The following EYA2 variants were observed in gnomAD, a reference collection of about 807,000 sequenced individuals.
The protein encoded by EYA2 is protein phosphatase EYA2.
A neutral mutation model predicts 69.2 loss-of-function variants in EYA2; 31 were observed. That is an observed-to-expected ratio of 0.45 (90% CI 0.34 to 0.60). The LOEUF is 0.60. EYA2 is among the 20% of genes least tolerant of loss of function. The pLI, the probability that EYA2 is intolerant of heterozygous loss-of-function variation, is 0.02. For synonymous variants in EYA2, 257 were observed against 279.4 expected (o/e 0.92, Z 0.80); for missense variants, 622 against 701.2 (o/e 0.89, Z 1.28).
intron 9 of EYA2, among the ~76,000 whole-genome samples, chr20:47,127,332 G>A (rs1375675562): frequency 2.6e-5 from 4 of 152,138 alleles, no homozygotes; most frequent in East Asian, 1.9e-4. Flanking sequence ...GGCCAAGCTC[G>A]GTGGCTCATG....
In EYA2 at chr20:47,103,070, CTGT is replaced by C. The variant is rs966637700; in HGVS notation, c.888+5919_888+5921del. On this transcript the variant is annotated intron_variant, in intron 9 of 15. Coordinates refer to ENST00000327619, the MANE Select transcript of EYA2 (RefSeq NM_005244.5). ...CCAATATGAAGCTCAACTCCAGGACCTGTTGTTGTTGTTGTTGTTAATAACAAT... is the reference window on the plus strand; with the variant it reads ...CCAATATGAAGCTCAACTCCAGGACCTGTTGTTGTTGTTGTTAATAACAAT... Among the ~76,000 whole-genome samples the C allele has an allele frequency of 3.3e-5, 5 of 152,104 alleles. No homozygotes were observed. In the East Asian group the frequency reaches 7.7e-4, roughly 23 times the overall value.
chr20:46,938,397 A>G (rs185964602), intron 1 of EYA2, among the ~76,000 whole-genome samples: 4 of 152,326 alleles, frequency 2.6e-5, no homozygotes, highest in Admixed American at 2.6e-4. Flanking sequence ...TTTAATAGAT[A>G]AAAAAACAAG....
chr20:46,920,753 C>T (rs918411498), intron 1 of EYA2, among the ~76,000 whole-genome samples: 2 of 152,174 alleles, frequency 1.3e-5, no homozygotes, highest in Non-Finnish European at 2.9e-5. Flanking sequence ...AAACCAGAGC[C>T]ACATCTCAAG....
intron 5 of EYA2, among the ~76,000 whole-genome samples, chr20:47,065,745 A>G (rs904762189): frequency 1.3e-5 from 2 of 152,174 alleles, no homozygotes; most frequent in Admixed American, 6.5e-5. Context: ...CAATTTCTCT[A>G]TTTATCTCAT....
At chr20:47,120,724 G>C (rs566476027) in intron 9 of EYA2, among the ~76,000 whole-genome samples, 1 of 152,328 alleles carries the variant, frequency 6.6e-6, no homozygotes, top group African/African-American at 2.4e-5. Context: ...GACCTCATAA[G>C]ACAAGCCCGA....
chr20:46,980,611 G>A (rs1293975541), intron 1 of EYA2, among the ~76,000 whole-genome samples: 1 of 152,116 alleles, frequency 6.6e-6, no homozygotes, highest in Admixed American at 6.5e-5. Context: ...CTTTATGTTA[G>A]CATCATTCAA....
At chr20:47,015,775 T>C (rs1002652959) in intron 4 of EYA2, among the ~76,000 whole-genome samples, 3 of 151,958 alleles carry the variant, frequency 2.0e-5, no homozygotes, top group African/African-American at 7.3e-5. Flanking sequence ...AATGAGAAAA[T>C]AGCACGTTAA....
chr20:47,109,979 T>C (rs776677705), intron 9 of EYA2, among the ~76,000 whole-genome samples: 223 of 152,326 alleles, frequency 1.5e-3, no homozygotes, highest in Admixed American at 2.4e-3. Context: ...GTCTTCCTTA[T>C]GGCACTCTCT....
At chr20:47,153,296 G>C (rs1319908777) in intron 10 of EYA2, among the ~76,000 whole-genome samples, 2 of 151,960 alleles carry the variant, frequency 1.3e-5, no homozygotes, top group Non-Finnish European at 2.9e-5. Flanking sequence ...GATGTCATAG[G>C]TAATGATGCC....
At chr20:46,943,920 CCT>C (rs1986257685) in intron 1 of EYA2, among the ~76,000 whole-genome samples, 2 of 152,116 alleles carry the variant, frequency 1.3e-5, no homozygotes, top group Admixed American at 1.3e-4. Flanking sequence ...TATATCTCTC[CCT>C]CTCTCTCCCC....
intron 5 of EYA2, among the ~76,000 whole-genome samples, chr20:47,019,877 G>A (rs944702281): frequency 1.3e-5 from 2 of 151,680 alleles, no homozygotes; most frequent in African/African-American, 4.8e-5. Flanking sequence ...GTTGAGGTAG[G>A]AGGATCACTT....
At chr20:46,913,298 G>A (rs919253373) in intron 1 of EYA2, among the ~76,000 whole-genome samples, 5 of 152,330 alleles carry the variant, frequency 3.3e-5, no homozygotes, top group East Asian at 3.9e-4. Context: ...GTTGTGCCTG[G>A]TGTGTTCAGG....
At chr20:46,992,344 A>G (rs1981732742) in intron 2 of EYA2, among the ~76,000 whole-genome samples, 1 of 152,240 alleles carries the variant, frequency 6.6e-6, no homozygotes, top group Non-Finnish European at 1.5e-5. Context: ...GGCACAGGTG[A>G]TAGCCCAGAT....
intron 12 of EYA2, among the ~76,000 whole-genome samples, chr20:47,175,449 G>T (rs576981309): frequency 2.0e-5 from 3 of 152,046 alleles, no homozygotes; most frequent in Non-Finnish European, 4.4e-5. Flanking sequence ...TTTCCTCCTC[G>T]TGTGCAAAAT....
rs149186142 is a variant in EYA2, at chr20:47,055,777, T to A, written c.416-16408T>A. On this transcript the variant is annotated intron_variant, in intron 5 of 15. Transcript: ENST00000327619. ...AGGTCTTCCAAATGTATTGATCCCC[T>A]GTTTAACTGAAATCAACAAACATAA... Among the ~76,000 whole-genome samples the A allele has an allele frequency of 4.0e-3, 611 of 152,326 alleles. 6 individuals carry two copies. Among genetic ancestry groups the A allele is most frequent in the African/African-American group, 0.014 (574 of 41,578 alleles).
chr20:47,158,387 G>A (rs1202266620), intron 10 of EYA2, among the ~76,000 whole-genome samples: 2 of 151,758 alleles, frequency 1.3e-5, no homozygotes, highest in Non-Finnish European at 2.9e-5. Context: ...TGTGGTGGCA[G>A]GCATTTGTAA....
At chr20:47,155,297 C>G (rs1423335750) in intron 10 of EYA2, among the ~76,000 whole-genome samples, 1 of 152,014 alleles carries the variant, frequency 6.6e-6, no homozygotes, top group Non-Finnish European at 1.5e-5. Flanking sequence ...CTTCACTCCC[C>G]GCTGAGGGGA....
At chr20:46,990,385 C>T (rs1295662201) in intron 2 of EYA2, among the ~76,000 whole-genome samples, 2 of 152,202 alleles carry the variant, frequency 1.3e-5, no homozygotes, top group African/African-American at 4.8e-5. Context: ...GACACCACCA[C>T]GGATGATAGT....
At chr20:47,152,983 A>G (rs919542735) in intron 10 of EYA2, among the ~76,000 whole-genome samples, 5 of 151,706 alleles carry the variant, frequency 3.3e-5, no homozygotes, top group African/African-American at 1.2e-4. Flanking sequence ...TGGTTGTCAC[A>G]TGAAGGGAAA....
Sources: gnomAD v4.1 joint callset for allele counts (sites outside exome capture counted in the v4.1 genomes callset) on GRCh38, gnomAD v4.1.1 for gene constraint, MANE v1.5 for transcripts, NCBI Gene and HGNC (gene_info 2026-07-23, HGNC 2026-07-21) for gene names.